The following ZMYM2 variants were observed in gnomAD, a reference collection of about 807,000 sequenced individuals.
ZMYM2 encodes zinc finger MYM-type protein 2.
ZMYM2 carries 56 observed loss-of-function variants against 162.8 expected under a neutral mutation model. The ratio of observed to expected loss-of-function variants is 0.34; its 90% CI spans 0.28 to 0.43. The LOEUF (loss-of-function observed/expected upper bound fraction) is 0.43. Among genes scored for constraint, ZMYM2 ranks in the 20% least tolerant of loss-of-function variants. The pLI is 1.00. For missense variants in ZMYM2, 1,275 were observed against 1,621.8 expected, an observed-to-expected ratio of 0.79 and a Z score of 3.67; for synonymous variants, 510 against 541.6, an observed-to-expected ratio of 0.94 and a Z score of 0.81.
the ZMYM2 span, among the ~76,000 whole-genome samples, chr13:19,926,127 A>AT: frequency 2.0e-5 from 3 of 150,962 alleles, no homozygotes; most frequent in African/African-American, 4.9e-5. Context: ...AGCCTGGCTA[A>AT]TTTTTTTATT....
the ZMYM2 span, among the ~76,000 whole-genome samples, chr13:19,939,217 T>C: frequency 1.4e-4 from 21 of 151,732 alleles, no homozygotes; most frequent in African/African-American, 4.8e-4. Flanking sequence ...AGAGACAGGG[T>C]TTCACCATGT....
the ZMYM2 span, among the ~76,000 whole-genome samples, chr13:19,893,704 C>T: frequency 6.6e-6 from 1 of 151,792 alleles, no homozygotes; most frequent in African/African-American, 2.4e-5. Context: ...GACACGACTG[C>T]AGTCTAGCCT....
intron 14 of ZMYM2, among the ~76,000 whole-genome samples, chr13:20,053,867 C>A (rs971376031): frequency 6.6e-6 from 1 of 152,144 alleles, no homozygotes; most frequent in African/African-American, 2.4e-5. Context: ...TTTGGAAGTA[C>A]GTAAAGTATT....
intron 19 of ZMYM2, 99 bp from the exon 20 acceptor site, chr13:20,066,752 G>A: frequency 8.2e-7 from 1 of 1,226,590 alleles, no homozygotes; most frequent in South Asian, 2.0e-5. Context: ...TTGCTCAAGG[G>A]TCAATTGTAA....
intron 21 of ZMYM2, among the ~76,000 whole-genome samples, chr13:20,069,785 C>T (rs1037004221): frequency 2.7e-5 from 4 of 149,960 alleles, no homozygotes; most frequent in Non-Finnish European, 5.9e-5. Flanking sequence ...CTTTTTTTAA[C>T]GATAATTTAT....
intron 3 of ZMYM2, 135 bp downstream of exon 3, chr13:19,994,054 T>G: frequency 9.1e-7 from 1 of 1,099,886 alleles, no homozygotes; most frequent in South Asian, 1.9e-5. Flanking sequence ...AATTTTATCT[T>G]AAGTTTGGTA....
At chr13:19,994,589 A>G (rs1418694991) in intron 3 of ZMYM2, among the ~76,000 whole-genome samples, 1 of 151,950 alleles carries the variant, frequency 6.6e-6, no homozygotes, top group African/African-American at 2.4e-5. Flanking sequence ...TCCTGTGTTC[A>G]AGCGATTCTC....
At chr13:20,043,065 T>C (rs1422771016) in intron 12 of ZMYM2, among the ~76,000 whole-genome samples, 1 of 151,848 alleles carries the variant, frequency 6.6e-6, no homozygotes, top group Non-Finnish European at 1.5e-5. Context: ...ACCTTGAGGG[T>C]TTAACTGTGG....
upstream of ZMYM2, among the ~76,000 whole-genome samples, chr13:19,955,514 CTCAGAG>C (rs1954485100): frequency 2.6e-5 from 4 of 152,204 alleles, no homozygotes; most frequent in Admixed American, 2.6e-4. Context: ...TTAAGCTGTG[CTCAGAG>C]TCAGTTTTAC....
rs1594426329 is a variant in ZMYM2 at position 20,024,670 on chromosome 13, T to G, written c.1585-1942T>G. 1.3e-5 allele frequency: 3 copies of G among 223,416 alleles called. No homozygotes were observed. The East Asian group carries it at 2.0e-4, about 15-fold the overall frequency. The allele number at this position is 223,416 out of a possible 1,614,324, so 13.8% of individuals were successfully genotyped here. ...TTGTCCCTTTTCCAGTATAGAAATT[T>G]AAGTCATCAAATAGACCTCAGGAAA... On this transcript the variant is annotated intron_variant, in intron 7 of 24. Transcript: ENST00000610343.
At chr13:19,958,103 G>T (rs1217610185), upstream of ZMYM2, among the ~76,000 whole-genome samples, 1 of 152,206 alleles carries the variant, frequency 6.6e-6, no homozygotes, top group African/African-American at 2.4e-5. Context: ...TTCCCCACGG[G>T]GCGCGGCGAG....
At chr13:19,980,636 C>G (rs1489482752) in intron 2 of ZMYM2, among the ~76,000 whole-genome samples, 1 of 150,834 alleles carries the variant, frequency 6.6e-6, no homozygotes, top group Admixed American at 6.6e-5. Context: ...GCCTGTAATC[C>G]TAGCTACTTG....
At chr13:19,972,141 G>A (rs958269453) in intron 2 of ZMYM2, among the ~76,000 whole-genome samples, 2 of 152,136 alleles carry the variant, frequency 1.3e-5, no homozygotes, top group African/African-American at 4.8e-5. Context: ...TTAGATCAAA[G>A]GGATTTTTGT....
intron 9 of ZMYM2, among the ~76,000 whole-genome samples, chr13:20,029,355 C>A (rs1323413312): frequency 6.6e-6 from 1 of 152,238 alleles, no homozygotes; most frequent in Non-Finnish European, 1.5e-5. Context: ...CCTACCTCTT[C>A]TAATACTGTC....
chr13:19,897,073 A>AAAG, the ZMYM2 span, among the ~76,000 whole-genome samples: 2 of 80,410 alleles, frequency 2.5e-5, no homozygotes, highest in Non-Finnish European at 5.0e-5. Flanking sequence ...ACTCTGCCTC[A>AAAG]AAAAAAAAAA....
chr13:19,945,155 T>C, the ZMYM2 span, among the ~76,000 whole-genome samples: 1 of 152,222 alleles, frequency 6.6e-6, no homozygotes, highest in Admixed American at 6.5e-5. Flanking sequence ...GTTATTTATT[T>C]ATATTCAACT....
the ZMYM2 span, among the ~76,000 whole-genome samples, chr13:19,884,049 G>C: frequency 6.6e-6 from 1 of 152,116 alleles, no homozygotes; most frequent in Non-Finnish European, 1.5e-5. Context: ...TGAGCCCCCG[G>C]GCGTGGCCTA....
chr13:20,006,245 A>G, intron 5 of ZMYM2, 129 bp from the exon 6 acceptor site: 1 of 879,870 alleles, frequency 1.1e-6, no homozygotes, highest in East Asian at 3.1e-5. Context: ...AAAAAAAAAA[A>G]AAATTTTTTT....
the ZMYM2 span, among the ~76,000 whole-genome samples, chr13:19,903,483 CAA>C: frequency 0.1 from 8,444 of 84,156 alleles, 160 homozygotes; most frequent in African/African-American, 0.18. Flanking sequence ...ACTAAAAATA[CAA>C]AAAAAAAAAA....
Sources: gnomAD v4.1 joint callset for allele counts (sites outside exome capture counted in the v4.1 genomes callset) on GRCh38, gnomAD v4.1.1 for gene constraint, MANE v1.5 for transcripts, NCBI Gene and HGNC (gene_info 2026-07-23, HGNC 2026-07-21) for gene names.